Variants in DHX32 observed in about 807,000 individuals in gnomAD.
DHX32 encodes DEAH-box helicase 32 (putative), also known as putative pre-mRNA-splicing factor ATP-dependent RNA helicase DHX32.
A neutral mutation model predicts 70.0 loss-of-function variants in DHX32; 51 were observed. The observed-to-expected ratio is 0.73, with a 90% CI of 0.58 to 0.92. The LOEUF is 0.92. Among genes scored for constraint, DHX32 ranks in the 40% least tolerant of loss-of-function variants. The probability of loss-of-function intolerance (pLI) is 0.00; values close to 1 mark genes in which losing one functional copy is unlikely to be tolerated. For synonymous variants in DHX32, 310 were observed against 315.3 expected (o/e 0.98, Z 0.18); for missense variants, 762 against 891.8 (o/e 0.85, Z 1.85).
intron 2 of DHX32, among the ~76,000 whole-genome samples, chr10:125,862,190 C>T (rs769463973): frequency 6.6e-6 from 1 of 152,168 alleles, no homozygotes; most frequent in African/African-American, 2.4e-5. Context: ...CAAATTATAA[C>T]GATTGCTTCC....
At chr10:125,864,993 A>ATATCATG (rs1395998203) in intron 2 of DHX32, among the ~76,000 whole-genome samples, 2 of 149,916 alleles carry the variant, frequency 1.3e-5, no homozygotes, top group East Asian at 3.9e-4. Flanking sequence ...ATCTGATTCC[A>ATATCATG]TATCATGACA....
In DHX32 at chr10:125,866,981, C is replaced by A. The variant is rs1489986506; in HGVS notation, c.476+9G>T. On this transcript the variant is annotated intron_variant, in intron 2 of 10. Transcript: ENST00000284690. The surrounding 1 kb of genome is among the most constrained non-coding windows in gnomAD (Gnocchi z 4.8). ...TCAGCAGGGAGCGGACTGAACCCCA[C>A]AAACCAACCTCAGGATTGTTTCGTT... 3.1e-6 allele frequency: 5 copies of A among 1,610,118 alleles called. No individual in the cohort carries two copies. The highest frequency in any genetic ancestry group is 3.3e-5 in the Admixed American group (2 of 59,820).
chr10:125,876,802 C>G (rs1311041209), intron 1 of DHX32, among the ~76,000 whole-genome samples: 1 of 152,036 alleles, frequency 6.6e-6, no homozygotes, highest in African/African-American at 2.4e-5. Flanking sequence ...GGATTTTGGA[C>G]CAGAAAAACA....
chr10:125,892,750 C>G (rs75285965), intron 1 of DHX32, among the ~76,000 whole-genome samples: 3 of 152,290 alleles, frequency 2.0e-5, no homozygotes, highest in African/African-American at 7.2e-5. Flanking sequence ...AAGTTCATTA[C>G]GACATACAAG....
At chr10:125,837,072 C>G (rs1483883627) in intron 10 of DHX32, among the ~76,000 whole-genome samples, 2 of 152,218 alleles carry the variant, frequency 1.3e-5, no homozygotes, top group Non-Finnish European at 2.9e-5. Flanking sequence ...GTTGGCCTCT[C>G]TAGTGTTATG....
intron 1 of DHX32, among the ~76,000 whole-genome samples, chr10:125,868,571 T>C (rs1944237043): frequency 2.0e-5 from 3 of 152,206 alleles, no homozygotes; most frequent in Admixed American, 2.0e-4. Context: ...GTGTCAGCCT[T>C]GTCAACAGGT....
intron 6 of DHX32, among the ~76,000 whole-genome samples, chr10:125,844,582 ATAAC>A (rs1268526092): frequency 2.6e-5 from 4 of 152,366 alleles, no homozygotes; most frequent in Admixed American, 6.5e-5. Context: ...ACATTAATAA[ATAAC>A]TAAATAGGAT....
upstream of DHX32, among the ~76,000 whole-genome samples, chr10:125,883,299 A>G (rs1944328446): frequency 6.6e-6 from 1 of 152,218 alleles, no homozygotes; most frequent in Admixed American, 6.5e-5. Context: ...CACTGTTCCA[A>G]ATGGAGAGGT....
intron 8 of DHX32, among the ~76,000 whole-genome samples, chr10:125,840,225 C>T (rs571758378): frequency 6.6e-6 from 1 of 152,324 alleles, no homozygotes; most frequent in Non-Finnish European, 1.5e-5. Flanking sequence ...ATAGCAGCTT[C>T]CAGTTGACTT....
At chr10:125,839,317 G>A in intron 8 of DHX32, 129 bp from the exon 9 acceptor site, 1 of 862,322 alleles carries the variant, frequency 1.2e-6, no homozygotes, top group Non-Finnish European at 1.7e-6. Context: ...GTAGGTGAGT[G>A]GCAGGAAGGC....
At chr10:125,890,613 T>G (rs1196088390) in intron 1 of DHX32, 2 of 152,352 alleles carry the variant, frequency 1.3e-5, no homozygotes, top group Non-Finnish European at 2.9e-5. Flanking sequence ...ATTGGTTGAA[T>G]ATACAATATT....
In DHX32 at chr10:125,866,872, T is replaced by C; in HGVS notation, c.476+118A>G. 1 of 1,062,348 alleles carries C rather than the reference T, an allele frequency of 9.4e-7. No homozygotes were observed. The highest frequency in any genetic ancestry group is 1.3e-6 in the Non-Finnish European group (1 of 744,232). 65.8% of individuals were successfully genotyped at this position (1,062,348 alleles called of 1,614,324 possible). A position where few individuals can be genotyped will look rare whatever the true frequency, so the allele number is the denominator to read the frequency against. On this transcript the variant is annotated intron_variant, in intron 2 of 10. Transcript: ENST00000284690. This position sits in a 1 kb window ranked among gnomAD's most constrained non-coding sequence, Gnocchi z 4.8. The stretch of plus-strand genomic sequence containing the variant: ...CTGGCTGGCTGATGACAGAGACCAG[T>C]TGCTACTGCACAGCATAGATGCTTA...
chr10:125,895,511 A>T (rs1487921982), intron 1 of DHX32, among the ~76,000 whole-genome samples: 1 of 151,792 alleles, frequency 6.6e-6, no homozygotes, highest in Non-Finnish European at 1.5e-5. Flanking sequence ...AACCTATGAT[A>T]CTCTCCTGGT....
intron 2 of DHX32, 135 bp from the exon 3 acceptor site, chr10:125,860,110 C>A: frequency 1.3e-6 from 1 of 744,700 alleles, no homozygotes; most frequent in South Asian, 2.3e-5. Context: ...GCCAAAATTC[C>A]TTTAAGTTGA....
chr10:125,892,165 C>A (rs1376613124), intron 1 of DHX32, among the ~76,000 whole-genome samples: 3 of 152,174 alleles, frequency 2.0e-5, no homozygotes, highest in African/African-American at 7.2e-5. Flanking sequence ...TCTATCACCC[C>A]ACTGTCATCC....
upstream of DHX32, among the ~76,000 whole-genome samples, chr10:125,882,571 GATGA>G (rs1191476916): frequency 6.6e-6 from 1 of 152,172 alleles, no homozygotes; most frequent in South Asian, 2.1e-4. Context: ...AAAATTCACA[GATGA>G]ACAAGCTAGT....
chr10:125,888,093 C>G (rs548452112), intron 1 of DHX32, among the ~76,000 whole-genome samples: 1 of 151,966 alleles, frequency 6.6e-6, no homozygotes, highest in African/African-American at 2.4e-5. Flanking sequence ...AAACCCTGTA[C>G]TATATAATAT....
Position 125,859,986 on chromosome 10 carries a change from G to A in DHX32, c.477-11C>T, listed in dbSNP as rs1589712474. 6 of 1,515,474 alleles carry A rather than the reference G, an allele frequency of 4.0e-6. No homozygotes were observed. The highest frequency in any genetic ancestry group is 1.4e-5 in the African/African-American group (1 of 71,422). 93.9% of individuals were successfully genotyped at this position (1,515,474 alleles called of 1,614,324 possible). On this transcript the variant is annotated splice_polypyrimidine_tract_variant and intron_variant, in intron 2 of 10. Transcript: ENST00000284690. The stretch of plus-strand genomic sequence containing the variant: ...TCATCAGTACAATACCTATAAAGAA[G>A]AAACATTAAAGTTAGAATATTCTTA...
chr10:125,886,763 G>A (rs1347875210), intron 1 of DHX32, among the ~76,000 whole-genome samples: 1 of 152,272 alleles, frequency 6.6e-6, no homozygotes, highest in Admixed American at 6.5e-5. Context: ...CAATTCAGAA[G>A]AGTTATCATG....
Sources: allele counts gnomAD v4.1 joint callset (sites outside exome capture counted in the v4.1 genomes callset), GRCh38; gene constraint gnomAD v4.1.1; non-coding constraint Gnocchi (gnomAD v3.1); transcripts MANE v1.5; gene names NCBI Gene and HGNC (gene_info 2026-07-23, HGNC 2026-07-21).